MAP3K10: variants seen among roughly 807,000 people sequenced by gnomAD.
MAP3K10 encodes the protein mitogen-activated protein kinase kinase kinase 10.
MAP3K10 carries 22 observed loss-of-function variants against 75.0 expected under a neutral mutation model. The ratio of observed to expected loss-of-function variants is 0.29; its 90% confidence interval spans 0.21 to 0.42. The LOEUF (loss-of-function observed/expected upper bound fraction) is 0.42, where lower values mean the gene tolerates loss of function less well. Ranked by LOEUF, MAP3K10 falls within the 10% of genes least tolerant of loss-of-function variation. The pLI is 1.00. For synonymous variants in MAP3K10, 599 were observed against 612.9 expected, an observed-to-expected ratio of 0.98 and a Z score of 0.34; for missense variants, 1,165 against 1,379.8, an observed-to-expected ratio of 0.84 and a Z score of 2.47.
At position 40,205,038 on chromosome 19, in the gene MAP3K10, C is replaced by T; in HGVS notation, c.1013-83C>T. On this transcript the variant is annotated intron_variant, in intron 3 of 9. Transcript: ENST00000253055. This position sits in a 1 kb window ranked among gnomAD's most constrained non-coding sequence, Gnocchi z 4.3. ...TGTCTGCCATCCCCAGAAATTCTGC[C>T]TTCCTCTGAGCAGGCTGAGTCCCCA... 1.5e-6 allele frequency: 2 copies of T among 1,305,806 alleles called. No individual in the cohort carries two copies. Among genetic ancestry groups the T allele is most frequent in the Middle Eastern group, 5.4e-4 (2 of 3,690 alleles). 80.9% of individuals were successfully genotyped at this position (1,305,806 alleles called of 1,614,324 possible).
At position 40,213,389 on chromosome 19, in the gene MAP3K10, A is replaced by G; in HGVS notation, c.1838-128A>G. On this transcript the variant is annotated intron_variant, in intron 8 of 9. Coordinates refer to ENST00000253055, the MANE Select transcript of MAP3K10 (RefSeq NM_002446.4). The surrounding 1 kb of genome is among the most constrained non-coding windows in gnomAD (Gnocchi z 5.7). ...TCTCTGAGGCTTCTCCTGGAGACAG[A>G]TTCAAGAACGATGCTCGTGGGTCTT... 6.8e-7 allele frequency: 1 copy of G among 1,478,496 alleles called. No individual in the cohort carries two copies. The highest frequency in any genetic ancestry group is 8.9e-7 in the Non-Finnish European group (1 of 1,117,788). The allele number at this position is 1,478,496 out of a possible 1,614,324, so 91.6% of individuals were successfully genotyped here.
In MAP3K10 at chr19:40,213,214, G is replaced by T; in HGVS notation, c.1837+26G>T. ...GTAAGAGCCTGGGTTCTTGTAAGGG[G>T]GTGGGGGTTCCCTGGCCAAAGGGGT... is the stretch of plus-strand genomic sequence containing the variant. On this transcript the variant is annotated intron_variant, in intron 8 of 9. Coordinates refer to ENST00000253055, the MANE Select transcript of MAP3K10 (RefSeq NM_002446.4). This position sits in a 1 kb window ranked among gnomAD's most constrained non-coding sequence, Gnocchi z 5.7. The T allele has an allele frequency of 1.9e-6, 3 of 1,539,000 alleles. No individual in the cohort carries two copies. In the African/African-American group the frequency reaches 4.1e-5, roughly 21 times the overall value.
chr19:40,211,359 A>G (rs1973236273), intron 6 of MAP3K10, among the ~76,000 whole-genome samples: 1 of 126,376 alleles, frequency 7.9e-6, no homozygotes, highest in East Asian at 2.2e-4. Context: ...CACCTTTGGT[A>G]TGGATTTTTT....
rs774877766 is a variant in MAP3K10 at position 40,212,872 on chromosome 19, C to T, written c.1620C>T (p.Arg540=). The change falls in exon 7 of 10, where the codon CGC becomes CGT. Residue 540 remains arginine, a synonymous_variant. Transcript: ENST00000253055. This position sits in a 1 kb window ranked among gnomAD's most constrained non-coding sequence, Gnocchi z 4.2. Reference sequence around the variant, plus strand: ...GTGGAGGAAGTGGGACATGGAGCCGCGGTGGGCCCCCAAAGAAGGAAGAAC... The same window carrying T: ...GTGGAGGAAGTGGGACATGGAGCCGTGGTGGGCCCCCAAAGAAGGAAGAAC... The part of the protein sequence containing the change: ...SSSGGSGTWS[R]GGPPKKEELV... 30 of 1,611,444 alleles carry T rather than the reference C, an allele frequency of 1.9e-5. No individual in the cohort carries two copies. The highest frequency in any genetic ancestry group is 2.2e-5 in the Non-Finnish European group (26 of 1,179,266).
chr19:40,198,115 C>G lies in MAP3K10; in HGVS notation c.683-260C>G, dbSNP rs1043840123. ...TGTTGGTTCTTGACCATTCATGGAGCTCCCCAAAGCCCAGGACAGAATCAG... is the reference window on the plus strand; with the variant it reads ...TGTTGGTTCTTGACCATTCATGGAGGTCCCCAAAGCCCAGGACAGAATCAG... On this transcript the variant is annotated intron_variant, in intron 1 of 9. Transcript: ENST00000253055. The surrounding 1 kb of genome is among the most constrained non-coding windows in gnomAD (Gnocchi z 4.3). Among the ~76,000 whole-genome samples, 10 of 152,194 alleles carry G rather than the reference C, an allele frequency of 6.6e-5. No individual in the cohort carries two copies. The highest frequency in any genetic ancestry group is 1.3e-4 in the Non-Finnish European group (9 of 68,044).
At chr19:40,203,287 C>T (rs1395001722) in intron 2 of MAP3K10, among the ~76,000 whole-genome samples, 1 of 151,684 alleles carries the variant, frequency 6.6e-6, no homozygotes, top group East Asian at 1.9e-4. Flanking sequence ...TGCAGGGAGC[C>T]GAGATCATGC....
At chr19:40,206,760 C>T (rs897068618) in intron 5 of MAP3K10, among the ~76,000 whole-genome samples, 1 of 152,176 alleles carries the variant, frequency 6.6e-6, no homozygotes, top group Non-Finnish European at 1.5e-5. Flanking sequence ...AGGACAGTCA[C>T]TTCTGAACTT....
chr19:40,206,095 A>G lies in MAP3K10; in HGVS notation c.1373A>G (p.Asn458Ser). ...CCCCGGGTCCGCAAGCGCAAGGGCA[A>G]CTTCAAGCGCAGCCGCCTGCTCAAG... ...EKPRVRKRKG[N>S]FKRSRLLKLR... is the part of the protein sequence containing the mutation. Residue 458 changes from asparagine (N) to serine (S), a missense_variant, in exon 5 of 10, where the codon AAC becomes AGC. Asn to Ser is a conservative substitution (Grantham distance 46). Transcript: ENST00000253055. 1 of 1,613,274 alleles carries G rather than the reference A, an allele frequency of 6.2e-7. No homozygotes were observed. The highest frequency in any genetic ancestry group is 8.5e-7 in the Non-Finnish European group (1 of 1,179,680).
intron 6 of MAP3K10, among the ~76,000 whole-genome samples, chr19:40,211,531 C>T (rs888950313): frequency 1.3e-5 from 2 of 149,682 alleles, no homozygotes; most frequent in Non-Finnish European, 3.0e-5. Context: ...CCCTCCCCCA[C>T]CCTACCCCCC....
rs759320367 is a variant in MAP3K10 at position 40,215,094 on chromosome 19, G to A, written c.2667G>A (p.Pro889=). The change falls in exon 10 of 10, where the codon CCG becomes CCA. Residue 889 remains proline, a synonymous_variant. Coordinates refer to ENST00000253055, the MANE Select transcript of MAP3K10 (RefSeq NM_002446.4). ...TGACCTTTGCCCCGAGACCTCGGCC[G>A]GCTGCCAGTCGCCCCCGCTTGGACC... is the stretch of plus-strand genomic sequence containing the variant. ...TTLTFAPRPR[P]AASRPRLDPW... 42 of 1,608,386 alleles carry A rather than the reference G, an allele frequency of 2.6e-5. No homozygotes were observed. The East Asian group carries it at 2.7e-4, about 10-fold the overall frequency.
At chr19:40,203,497 G>A (rs981599075) in intron 2 of MAP3K10, among the ~76,000 whole-genome samples, 1 of 152,166 alleles carries the variant, frequency 6.6e-6, no homozygotes, top group Non-Finnish European at 1.5e-5. Context: ...AGTGACGCAC[G>A]CTCTGGTACC....
Position 40,200,298 on chromosome 19 carries a change from A to T in MAP3K10, c.863+1743A>T, listed in dbSNP as rs533555541. On this transcript the variant is annotated intron_variant, in intron 2 of 9. Transcript: ENST00000253055. Reference sequence around the variant, plus strand: ...AGCAAGACTCCATCTGAAAAAAAATACTTAAAAATAAAAGCTCCTTTGACT... The same window carrying T: ...AGCAAGACTCCATCTGAAAAAAAATTCTTAAAAATAAAAGCTCCTTTGACT... Among the ~76,000 whole-genome samples the T allele has an allele frequency of 3.0e-3, 455 of 152,298 alleles. 3 individuals are homozygous for T. Among genetic ancestry groups the T allele is most frequent in the African/African-American group, 0.01 (421 of 41,568 alleles).
chr19:40,213,825 C>G lies in MAP3K10; in HGVS notation c.2146C>G (p.Arg716Gly). ...CGGCCTCTTCTTTCCCCGCGCCGGC[C>G]GCTTCCCGCGGGGCCTCAGCCCACC... ...LDGLFFPRAG[R>G]FPRGLSPPAR... Residue 716 changes from arginine (R) to glycine (G), a missense_variant, in exon 9 of 10, where the codon CGC becomes GGC. Around this residue, in one of 2 missense-constraint regions of MAP3K10, gnomAD observed 590 missense variants for 586.6 expected, o/e 1.01. Transcript: ENST00000253055. This position sits in a 1 kb window ranked among gnomAD's most constrained non-coding sequence, Gnocchi z 5.7. 1 of 1,314,036 alleles carries G rather than the reference C, an allele frequency of 7.6e-7. No homozygotes were observed. Among genetic ancestry groups the G allele is most frequent in the South Asian group, 1.7e-5 (1 of 58,358 alleles). 81.4% of individuals were successfully genotyped at this position (1,314,036 alleles called of 1,614,324 possible). A position where few individuals can be genotyped will look rare whatever the true frequency, so the allele number is the denominator to read the frequency against.
At position 40,213,470 on chromosome 19, in the gene MAP3K10, G is replaced by A. The variant is rs759145461; in HGVS notation, c.1838-47G>A. The A allele has an allele frequency of 6.3e-7, 1 of 1,598,606 alleles. No homozygotes were observed. The highest frequency in any genetic ancestry group is 8.5e-7 in the Non-Finnish European group (1 of 1,176,002). ...TGTCCCTTGGCACAAGTCCCCGTGG[G>A]GCCCTGGCCAGCCCTGCAGCGGAGT... On this transcript the variant is annotated intron_variant, in intron 8 of 9. Coordinates refer to ENST00000253055, the MANE Select transcript of MAP3K10 (RefSeq NM_002446.4). This position sits in a 1 kb window ranked among gnomAD's most constrained non-coding sequence, Gnocchi z 5.7.
At chr19:40,211,288 G>A (rs1973233234) in intron 6 of MAP3K10, among the ~76,000 whole-genome samples, 1 of 151,628 alleles carries the variant, frequency 6.6e-6, no homozygotes, top group African/African-American at 2.4e-5. Context: ...AGGGCCCTGA[G>A]AGCAGGATAA....
chr19:40,194,177 A>G (rs972628513), intron 1 of MAP3K10, among the ~76,000 whole-genome samples: 3 of 152,108 alleles, frequency 2.0e-5, no homozygotes, highest in Non-Finnish European at 2.9e-5. Context: ...CCTGACCAAT[A>G]TGGTGAAACC....
intron 1 of MAP3K10, among the ~76,000 whole-genome samples, chr19:40,193,260 A>G (rs1238247447): frequency 6.6e-6 from 1 of 152,208 alleles, no homozygotes; most frequent in Non-Finnish European, 1.5e-5. Flanking sequence ...GTCTCCAGGC[A>G]TTGCAAATGT....
Position 40,205,020 on chromosome 19 carries a change from C to A in MAP3K10, c.1013-101C>A. The A allele has an allele frequency of 1.9e-6, 2 of 1,070,430 alleles. No homozygotes were observed. Among genetic ancestry groups the A allele is most frequent in the Non-Finnish European group, 2.8e-6 (2 of 707,676 alleles). The allele number at this position is 1,070,430 out of a possible 1,614,324, so 66.3% of individuals were successfully genotyped here. A position where few individuals can be genotyped will look rare whatever the true frequency, so the allele number is the denominator to read the frequency against. On this transcript the variant is annotated intron_variant, in intron 3 of 9. Coordinates refer to ENST00000253055, the MANE Select transcript of MAP3K10 (RefSeq NM_002446.4). The surrounding 1 kb of genome is among the most constrained non-coding windows in gnomAD (Gnocchi z 4.3). ...AGCTCCATAGCAGCTGTTTGTCTGCCATCCCCAGAAATTCTGCCTTCCTCT... is the reference window on the plus strand; with the variant it reads ...AGCTCCATAGCAGCTGTTTGTCTGCAATCCCCAGAAATTCTGCCTTCCTCT...
intron 1 of MAP3K10, among the ~76,000 whole-genome samples, chr19:40,193,770 G>A (rs1410860047): frequency 6.6e-5 from 10 of 151,976 alleles, no homozygotes. Flanking sequence ...CTTCCATTTG[G>A]TATTTACCAG....
Sources: gnomAD v4.1 joint callset for allele counts (sites outside exome capture counted in the v4.1 genomes callset) on GRCh38, gnomAD v4.1.1 for gene constraint, gnomAD v4.1.1 regional missense constraint, Gnocchi (gnomAD v3.1) non-coding constraint, MANE v1.5 for transcripts, NCBI Gene and HGNC (gene_info 2026-07-23, HGNC 2026-07-21) for gene names.